Variants in ITFG1 observed in about 807,000 individuals in gnomAD.
The protein encoded by ITFG1 is integrin alpha FG-GAP repeat containing 1.
In ITFG1, 34 loss-of-function variants were observed where a neutral mutation model predicts 81.8. That is an observed-to-expected ratio of 0.42 (90% CI 0.32 to 0.55). The LOEUF is 0.55. Among genes scored for constraint, ITFG1 ranks in the 20% least tolerant of loss-of-function variants. ITFG1 has a pLI of 0.17. For missense variants in ITFG1, 672 were observed against 755.4 expected (o/e 0.89, Z 1.29); for synonymous variants, 285 against 270.6 (o/e 1.05, Z -0.52).
At chr16:47,170,565 G>T (rs1436150942) in intron 14 of ITFG1, among the ~76,000 whole-genome samples, 1 of 151,848 alleles carries the variant, frequency 6.6e-6, no homozygotes, top group Non-Finnish European at 1.5e-5. Context: ...AAGTAGCTGG[G>T]ATTACAGGCA....
At chr16:47,175,884 G>A (rs1157042232) in intron 14 of ITFG1, among the ~76,000 whole-genome samples, 1 of 152,208 alleles carries the variant, frequency 6.6e-6, no homozygotes, top group Admixed American at 6.5e-5. Context: ...CTGAGTAGCT[G>A]GGAGTACAGG....
chr16:47,239,927 T>A (rs1014199455), intron 12 of ITFG1, among the ~76,000 whole-genome samples: 4 of 152,114 alleles, frequency 2.6e-5, no homozygotes, highest in African/African-American at 9.7e-5. Context: ...TCTGCATCAT[T>A]CTGTCCTTAT....
rs145647861 is a variant in ITFG1 at position 47,459,133 on chromosome 16, T to C, written c.251A>G (p.Tyr84Cys). The change falls in exon 2 of 18, where the codon TAT becomes TGT. Residue 84 changes from tyrosine (Y) to cysteine (C), a missense_variant. Physicochemically the swap from Tyr to Cys is radical, Grantham distance 194 (BLOSUM62 -2). Around this residue, in one of 3 missense-constraint regions of ITFG1, gnomAD observed 560 missense variants for 625.7 expected, o/e 0.90. Transcript: ENST00000320640. Reference sequence around the variant, plus strand: ...AGATACCTTTACTTTGGGTTTAAAATAGGGTGCATTCTGGTCTGCCAAAAA... The same window carrying C: ...AGATACCTTTACTTTGGGTTTAAAACAGGGTGCATTCTGGTCTGCCAAAAA... Reference protein sequence around the residue: ...IVFLADQNAPYFKPKVKVSFK... With the variant: ...IVFLADQNAPCFKPKVKVSFK... The C allele has an allele frequency of 1.9e-6, 3 of 1,600,506 alleles. No homozygotes were observed. The highest frequency in any genetic ancestry group is 2.2e-5 in the East Asian group (1 of 44,786).
intron 14 of ITFG1, among the ~76,000 whole-genome samples, chr16:47,183,680 A>T (rs992527599): frequency 2.0e-5 from 3 of 152,224 alleles, no homozygotes; most frequent in Non-Finnish European, 4.4e-5. Flanking sequence ...AACCACAAAG[A>T]TGGGGAAAAA....
intron 14 of ITFG1, among the ~76,000 whole-genome samples, chr16:47,186,038 C>T (rs1053492049): frequency 7.2e-5 from 11 of 152,194 alleles, no homozygotes; most frequent in African/African-American, 2.7e-4. Flanking sequence ...TCGACACATA[C>T]ACCCTCCCAA....
At chr16:47,213,992 C>G (rs1255734943) in intron 14 of ITFG1, among the ~76,000 whole-genome samples, 2 of 152,136 alleles carry the variant, frequency 1.3e-5, no homozygotes, top group African/African-American at 2.4e-5. Flanking sequence ...ATACTGGATG[C>G]CTGGACTTGT....
chr16:47,237,570 T>C (rs1334598174), intron 13 of ITFG1, among the ~76,000 whole-genome samples: 1 of 152,246 alleles, frequency 6.6e-6, no homozygotes, highest in Non-Finnish European at 1.5e-5. Context: ...AAAAAGTCAC[T>C]AATTGCCTAC....
chr16:47,216,437 G>A (rs1372373881), intron 14 of ITFG1, among the ~76,000 whole-genome samples: 2 of 152,138 alleles, frequency 1.3e-5, no homozygotes, highest in Non-Finnish European at 2.9e-5. Flanking sequence ...CTGACCTCAG[G>A]TGATCCGCCC....
intron 6 of ITFG1, among the ~76,000 whole-genome samples, chr16:47,383,389 A>G (rs1567481271): frequency 6.6e-6 from 1 of 152,190 alleles, no homozygotes; most frequent in Non-Finnish European, 1.5e-5. Context: ...AGTCTGCAAT[A>G]ATTTGGTTTA....
intron 13 of ITFG1, among the ~76,000 whole-genome samples, chr16:47,226,092 A>C (rs1965753791): frequency 6.6e-6 from 1 of 152,242 alleles, no homozygotes; most frequent in South Asian, 2.1e-4. Flanking sequence ...AAATAAACTG[A>C]GATATGTTAG....
chr16:47,415,671 T>TTCCAATCATAATGATTGGA (rs1968864589), intron 6 of ITFG1, among the ~76,000 whole-genome samples: 1 of 152,200 alleles, frequency 6.6e-6, no homozygotes, highest in African/African-American at 2.4e-5. Context: ...ATACCATTTT[T>TTCCAATCATAATGATTGGA]TCCAATCATA....
chr16:47,352,938 C>G (rs1238419520), intron 8 of ITFG1, among the ~76,000 whole-genome samples: 1 of 152,030 alleles, frequency 6.6e-6, no homozygotes, highest in Non-Finnish European at 1.5e-5. Flanking sequence ...AACCATGATT[C>G]TCAGCAAACT....
intron 14 of ITFG1, among the ~76,000 whole-genome samples, chr16:47,175,018 G>A (rs752869521): frequency 1.3e-5 from 2 of 152,160 alleles, no homozygotes; most frequent in Non-Finnish European, 2.9e-5. Flanking sequence ...CAAACTGACA[G>A]TAACAATATC....
At chr16:47,450,973 A>G (rs1969381231) in intron 5 of ITFG1, among the ~76,000 whole-genome samples, 1 of 152,194 alleles carries the variant, frequency 6.6e-6, no homozygotes, top group East Asian at 1.9e-4. Context: ...GAGTGCTTAT[A>G]TTACTAGACC....
At chr16:47,327,790 A>G (rs1365107211) in intron 8 of ITFG1, among the ~76,000 whole-genome samples, 1 of 152,226 alleles carries the variant, frequency 6.6e-6, no homozygotes, top group Admixed American at 6.5e-5. Context: ...ATCTCACACC[A>G]GTTAGAATGG....
chr16:47,208,841 T>C (rs78751995), intron 14 of ITFG1, among the ~76,000 whole-genome samples: 6 of 152,276 alleles, frequency 3.9e-5, no homozygotes, highest in South Asian at 2.1e-4. Flanking sequence ...AACCTTTTGA[T>C]TGAGGAAGTC....
chr16:47,459,628 T>C (rs1159378204), intron 1 of ITFG1, among the ~76,000 whole-genome samples: 1 of 152,196 alleles, frequency 6.6e-6, no homozygotes. Context: ...AAAGACATAA[T>C]TAAGCATGTG....
At chr16:47,359,963 T>C (rs949102134) in intron 8 of ITFG1, among the ~76,000 whole-genome samples, 52 of 152,356 alleles carry the variant, frequency 3.4e-4, no homozygotes, top group African/African-American at 1.2e-3. Context: ...ACAGGGTTTT[T>C]GTATGCTTGA....
intron 8 of ITFG1, among the ~76,000 whole-genome samples, chr16:47,330,678 C>A (rs1203912108): frequency 6.6e-6 from 1 of 152,090 alleles, no homozygotes; most frequent in Non-Finnish European, 1.5e-5. Context: ...TGAACAGATA[C>A]TTCTCAAAAG....
Sources: gnomAD v4.1 joint callset for allele counts (sites outside exome capture counted in the v4.1 genomes callset) on GRCh38, gnomAD v4.1.1 for gene constraint, gnomAD v4.1.1 regional missense constraint, MANE v1.5 for transcripts, NCBI Gene and HGNC (gene_info 2026-07-23, HGNC 2026-07-21) for gene names.